KIAA1671: variants seen among roughly 807,000 people sequenced by gnomAD.
KIAA1671 encodes KIAA1671.
In KIAA1671, 52 loss-of-function variants were observed where a neutral mutation model predicts 131.2. The observed-to-expected ratio is 0.40, with a 90% confidence interval of 0.32 to 0.50. KIAA1671 has a LOEUF of 0.50. Among genes scored for constraint, KIAA1671 ranks in the 20% least tolerant of loss-of-function variants. The probability of loss-of-function intolerance (pLI) is 0.73; values close to 1 mark genes in which losing one functional copy is unlikely to be tolerated. For missense variants in KIAA1671, 2,360 were observed against 2,364.2 expected (o/e 1.00, Z 0.04); for synonymous variants, 1,003 against 961.6 (o/e 1.04, Z -0.80).
intron 6 of KIAA1671, among the ~76,000 whole-genome samples, chr22:25,103,786 C>G (rs1348821849): frequency 6.6e-6 from 1 of 152,170 alleles, no homozygotes; most frequent in Non-Finnish European, 1.5e-5. Context: ...GCCACCACAA[C>G]CAGCCCAGGG....
At chr22:24,986,362 T>C (rs1923530083) in intron 1 of KIAA1671, among the ~76,000 whole-genome samples, 1 of 152,150 alleles carries the variant, frequency 6.6e-6, no homozygotes, top group Non-Finnish European at 1.5e-5. Flanking sequence ...GGTGTAGTAT[T>C]TGCATGTAAC....
At chr22:25,144,614 C>A (rs1932850262) in intron 6 of KIAA1671, among the ~76,000 whole-genome samples, 1 of 152,234 alleles carries the variant, frequency 6.6e-6, no homozygotes, top group Admixed American at 6.5e-5. Context: ...GGAGGCGAAT[C>A]AGATTTAACA....
chr22:25,152,566 C>A (rs971810171), intron 6 of KIAA1671, among the ~76,000 whole-genome samples: 2 of 152,182 alleles, frequency 1.3e-5, no homozygotes, highest in African/African-American at 4.8e-5. Flanking sequence ...CCCAATCCAC[C>A]CTTCTGAAAT....
chr22:25,048,176 G>GT (rs1452436210), intron 5 of KIAA1671, among the ~76,000 whole-genome samples: 1 of 152,204 alleles, frequency 6.6e-6, no homozygotes, highest in Non-Finnish European at 1.5e-5. Flanking sequence ...GAATCAAGAC[G>GT]CATGTTTTGA....
chr22:25,112,710 G>A lies in KIAA1671; in HGVS notation c.4531-58110G>A, dbSNP rs1367614358. ...ACGTCTGTGTGGACAGGGCCAGCAC[G>A]TGAGTTGGGCTGAATTTGCCAGTTG... On this transcript the variant is annotated intron_variant, in intron 6 of 12. Coordinates refer to ENST00000358431, the MANE Select transcript of KIAA1671 (RefSeq NM_001145206.2). The A allele has an allele frequency of 1.5e-5, 4 of 267,316 alleles. No individual in the cohort carries two copies. In the South Asian group the frequency reaches 5.1e-4, roughly 34 times the overall value. 16.6% of individuals were successfully genotyped at this position (267,316 alleles called of 1,614,324 possible).
At chr22:25,163,501 G>A (rs1933533044) in intron 6 of KIAA1671, among the ~76,000 whole-genome samples, 1 of 141,156 alleles carries the variant, frequency 7.1e-6, no homozygotes, top group Admixed American at 7.4e-5. Flanking sequence ...GAGTGCAGTG[G>A]TGCGATCTCT....
At chr22:25,123,381 A>G (rs1456076632) in intron 6 of KIAA1671, among the ~76,000 whole-genome samples, 1 of 151,936 alleles carries the variant, frequency 6.6e-6, no homozygotes. Context: ...TTCAGTAGAA[A>G]TGGGGTTTCA....
chr22:25,067,778 G>A (rs1928558273), intron 6 of KIAA1671, among the ~76,000 whole-genome samples: 1 of 152,352 alleles, frequency 6.6e-6, no homozygotes, highest in South Asian at 2.1e-4. Context: ...TGCTGACTGT[G>A]GCCCCTGTCA....
chr22:24,976,953 T>G (rs578098454), intron 1 of KIAA1671, among the ~76,000 whole-genome samples: 2 of 152,074 alleles, frequency 1.3e-5, no homozygotes. Context: ...AGCCTGGGTT[T>G]GAGTCCTCTG....
At chr22:24,953,876 A>G (rs61367363) in intron 1 of KIAA1671, among the ~76,000 whole-genome samples, 6,151 of 152,166 alleles carry the variant, frequency 0.04, 457 homozygotes, top group African/African-American at 0.14. Flanking sequence ...CTGTTGCACA[A>G]AGAAAAACAC....
Position 25,038,887 on chromosome 22 carries a change from G to A in KIAA1671, c.1757G>A (p.Arg586His), listed in dbSNP as rs375614113. 30 of 1,551,748 alleles carry A rather than the reference G, an allele frequency of 1.9e-5. No homozygotes were observed. The South Asian group carries it at 2.0e-4, about 10-fold the overall frequency. The change falls in exon 5 of 13, where the codon CGC becomes CAC. Residue 586 changes from arginine to histidine, a missense_variant. Transcript: ENST00000358431. ...VSSNQDPDSCRGGSSVEAPCP... is the reference protein window; with the variant it reads ...VSSNQDPDSCHGGSSVEAPCP... ...TCTAACCAAGACCCCGACAGCTGTC[G>A]CGGTGGAAGCTCAGTGGAGGCCCCG... is the stretch of plus-strand genomic sequence containing the variant.
At chr22:25,153,075 C>T (rs1933102920) in intron 6 of KIAA1671, among the ~76,000 whole-genome samples, 1 of 152,144 alleles carries the variant, frequency 6.6e-6, no homozygotes, top group African/African-American at 2.4e-5. Context: ...CATTTTTTCC[C>T]TAGTTGCCTT....
chr22:25,069,988 G>T (rs773238226), intron 6 of KIAA1671: 2 of 194,580 alleles, frequency 1.0e-5, no homozygotes, highest in Non-Finnish European at 2.1e-5. Context: ...TTCAGTTCCC[G>T]GGCATCACCT....
In KIAA1671 at chr22:25,194,207, G is replaced by A. The variant is rs929136777; in HGVS notation, c.*1806G>A. The A allele has an allele frequency of 2.6e-5, 4 of 152,118 alleles. No homozygotes were observed. The highest frequency in any genetic ancestry group is 9.7e-5 in the African/African-American group (4 of 41,374). 9.4% of individuals were successfully genotyped at this position (152,118 alleles called of 1,614,324 possible). A position where few individuals can be genotyped will look rare whatever the true frequency, so the allele number is the denominator to read the frequency against. On this transcript the variant is annotated 3_prime_UTR_variant, in exon 13 of 13. Coordinates refer to ENST00000358431, the MANE Select transcript of KIAA1671 (RefSeq NM_001145206.2). ...TCCCACCTCAGCCTCCCAAGTAGCT[G>A]GGACTACAGGTGTATGCTACCATGA... is the stretch of plus-strand genomic sequence containing the variant.
At chr22:25,074,395 C>T (rs1351806505) in intron 6 of KIAA1671, among the ~76,000 whole-genome samples, 2 of 148,144 alleles carry the variant, frequency 1.4e-5, no homozygotes, top group Non-Finnish European at 3.0e-5. Context: ...GTCCCAGCTA[C>T]TCGGGAGGCT....
chr22:25,162,107 C>T (rs541348869), intron 6 of KIAA1671, among the ~76,000 whole-genome samples: 1 of 152,324 alleles, frequency 6.6e-6, no homozygotes, highest in Admixed American at 6.5e-5. Context: ...AAATGGGTTC[C>T]TCATGGTTCC....
intron 1 of KIAA1671, among the ~76,000 whole-genome samples, chr22:24,994,702 C>T (rs1178104122): frequency 6.6e-6 from 1 of 152,162 alleles, no homozygotes; most frequent in Admixed American, 6.5e-5. Flanking sequence ...CCTGTTCCTG[C>T]TTCTGCCTGA....
intron 1 of KIAA1671, among the ~76,000 whole-genome samples, chr22:24,996,755 A>G (rs1326402302): frequency 6.6e-6 from 1 of 152,088 alleles, no homozygotes; most frequent in Non-Finnish European, 1.5e-5. Flanking sequence ...TGAGGGATTT[A>G]CCAGGAGGGG....
intron 6 of KIAA1671, among the ~76,000 whole-genome samples, chr22:25,153,989 A>G (rs1244869406): frequency 1.3e-5 from 2 of 152,180 alleles, no homozygotes; most frequent in African/African-American, 2.4e-5. Flanking sequence ...CCAAGAGACT[A>G]CTTCTTTTCT....
Sources: gnomAD v4.1 joint callset for allele counts (sites outside exome capture counted in the v4.1 genomes callset) on GRCh38, gnomAD v4.1.1 for gene constraint, MANE v1.5 for transcripts, NCBI Gene and HGNC (gene_info 2026-07-23, HGNC 2026-07-21) for gene names.